The following PPP4R3A variants were observed in gnomAD, a reference collection of about 807,000 sequenced individuals.
The protein encoded by PPP4R3A is protein phosphatase 4 regulatory subunit 3A, also known as serine/threonine-protein phosphatase 4 regulatory subunit 3A.
Under a neutral mutation model 91.7 loss-of-function variants are expected in PPP4R3A, and 15 were observed. The observed-to-expected ratio is 0.16, with a 90% CI of 0.11 to 0.25. The LOEUF is 0.25. PPP4R3A is among the 10% of genes least tolerant of loss of function. The pLI is 1.00. For missense variants in PPP4R3A, 623 were observed against 998.4 expected (o/e 0.62, Z 5.07); for synonymous variants, 377 against 348.7 (o/e 1.08, Z -0.91).
At chr14:91,491,565 G>A (rs956581034) in intron 1 of PPP4R3A, among the ~76,000 whole-genome samples, 7 of 151,766 alleles carry the variant, frequency 4.6e-5, no homozygotes, top group South Asian at 2.1e-4. Flanking sequence ...GTGCCACCAC[G>A]CCCAGATAAT....
At chr14:91,480,896 A>G (rs1214648287) in intron 4 of PPP4R3A, among the ~76,000 whole-genome samples, 2 of 151,912 alleles carry the variant, frequency 1.3e-5, no homozygotes, top group Non-Finnish European at 2.9e-5. Flanking sequence ...AAAGGTGGCT[A>G]TGGTAGCATG....
At chr14:91,507,507 T>C (rs1291393660) in intron 1 of PPP4R3A, among the ~76,000 whole-genome samples, 1 of 140,240 alleles carries the variant, frequency 7.1e-6, no homozygotes, top group Non-Finnish European at 1.5e-5. Context: ...GAATATATGC[T>C]ATAATTATAT....
In PPP4R3A at chr14:91,462,207, C is replaced by T. The variant is rs935361912; in HGVS notation, c.2006G>A (p.Arg669Gln). Residue 669 changes from arginine (R) to glutamine (Q), a missense_variant, in exon 13 of 15, where the codon CGA becomes CAA. Transcript: ENST00000554943. ...ATCTTCTAGTGTTCTGGCATCTCTT[C>T]GATATCTGTGATTCCTCAAAATGGA... ...MRSILRNHRY[R>Q]RDARTLEDEE... The T allele has an allele frequency of 5.6e-6, 9 of 1,594,626 alleles. No individual in the cohort carries two copies. The highest frequency in any genetic ancestry group is 7.7e-6 in the Non-Finnish European group (9 of 1,174,142).
At chr14:91,493,963 C>T (rs12887629) in intron 1 of PPP4R3A, among the ~76,000 whole-genome samples, 137,811 of 149,758 alleles carry the variant, frequency 0.92, 63,642 homozygotes, top group East Asian at 1. Context: ...AGGGTTTCTC[C>T]ATGTTGGTCA....
intron 7 of PPP4R3A, among the ~76,000 whole-genome samples, chr14:91,473,637 GATAAT>G (rs994332381): frequency 6.6e-6 from 1 of 152,180 alleles, no homozygotes; most frequent in East Asian, 1.9e-4. Context: ...TTAGTTTGGT[GATAAT>G]ATATCTTTAC....
intron 4 of PPP4R3A, among the ~76,000 whole-genome samples, 188 bp downstream of exon 4, chr14:91,481,388 C>A (rs186085749): frequency 1.3e-5 from 2 of 152,148 alleles, no homozygotes; most frequent in African/African-American, 4.8e-5. Context: ...GTCACACTTA[C>A]CTCTCCTACC....
intron 7 of PPP4R3A, 147 bp from the exon 8 acceptor site, chr14:91,473,517 G>T: frequency 1.2e-6 from 1 of 827,376 alleles, no homozygotes; most frequent in Non-Finnish European, 1.8e-6. Flanking sequence ...TATCTGACAG[G>T]ACATATGACA....
At chr14:91,505,845 A>T (rs1265763177) in intron 1 of PPP4R3A, among the ~76,000 whole-genome samples, 1 of 152,252 alleles carries the variant, frequency 6.6e-6, no homozygotes, top group Non-Finnish European at 1.5e-5. Flanking sequence ...AATATCAATT[A>T]TCCTATGATG....
chr14:91,491,011 T>C (rs1470431784), intron 1 of PPP4R3A, among the ~76,000 whole-genome samples: 1 of 151,286 alleles, frequency 6.6e-6, no homozygotes, highest in African/African-American at 2.4e-5. Context: ...GCTCAAGAGA[T>C]TCTCCTGCCT....
intron 1 of PPP4R3A, among the ~76,000 whole-genome samples, chr14:91,508,431 A>T (rs1258189384): frequency 6.6e-6 from 1 of 152,220 alleles, no homozygotes; most frequent in East Asian, 1.9e-4. Context: ...ATTCAGATAC[A>T]GAATCGCTAC....
intron 2 of PPP4R3A, 74 bp from the exon 3 acceptor site, chr14:91,485,804 T>C: frequency 1.0e-6 from 1 of 997,692 alleles, no homozygotes; most frequent in Non-Finnish European, 1.5e-6. Flanking sequence ...CAAAAGGAAA[T>C]AAAACTGTGC....
At position 91,482,029 on chromosome 14, in the gene PPP4R3A, A is replaced by G. The variant is rs1889596438; in HGVS notation, c.462T>C (p.Pro154=). The G allele has an allele frequency of 6.2e-7, 1 of 1,613,962 alleles. No homozygotes were observed. The change falls in exon 4 of 15, where the codon CCT becomes CCC. Residue 154 remains proline, a synonymous_variant. Coordinates refer to ENST00000554943, the MANE Select transcript of PPP4R3A (RefSeq NM_001366432.2). The part of the protein sequence containing the change: ...AELVASSLPS[P]LRREKLALAL... ...CCAGTGCAAGTTTTTCACGACGAAG[A>G]GGTGAAGGTAAAGATGATGCCACAA... is the stretch of plus-strand genomic sequence containing the variant.
intron 7 of PPP4R3A, among the ~76,000 whole-genome samples, chr14:91,473,673 T>C (rs1251245585): frequency 6.6e-6 from 1 of 152,256 alleles, no homozygotes; most frequent in Non-Finnish European, 1.5e-5. Context: ...TAATGTAATC[T>C]ACCTTTTGAA....
chr14:91,507,173 T>A (rs572585217), intron 1 of PPP4R3A, among the ~76,000 whole-genome samples: 1 of 151,346 alleles, frequency 6.6e-6, no homozygotes, highest in South Asian at 2.1e-4. Flanking sequence ...ACAAAAAAAT[T>A]AGCCAGGCAT....
At chr14:91,468,703 A>G (rs965225075) in intron 10 of PPP4R3A, among the ~76,000 whole-genome samples, 4 of 146,074 alleles carry the variant, frequency 2.7e-5, no homozygotes, top group African/African-American at 1.0e-4. Context: ...AAAAAGAAAA[A>G]AAAGACCAAG....
chr14:91,505,005 C>T (rs1166774714), intron 1 of PPP4R3A, among the ~76,000 whole-genome samples: 2 of 152,180 alleles, frequency 1.3e-5, no homozygotes, highest in East Asian at 3.8e-4. Context: ...CATGCTAACA[C>T]TATATACATT....
chr14:91,487,469 A>T (rs1232107436), intron 2 of PPP4R3A, among the ~76,000 whole-genome samples: 1 of 152,146 alleles, frequency 6.6e-6, no homozygotes, highest in Non-Finnish European at 1.5e-5. Context: ...TGTTTTTTCA[A>T]GCTGGTACAA....
At chr14:91,496,072 A>G (rs1168092127) in intron 1 of PPP4R3A, among the ~76,000 whole-genome samples, 1 of 152,228 alleles carries the variant, frequency 6.6e-6, no homozygotes, top group Non-Finnish European at 1.5e-5. Context: ...CAGCTGAGAC[A>G]AAGGTATAAA....
At position 91,489,805 on chromosome 14, in the gene PPP4R3A, C is replaced by A. The variant is rs541572308; in HGVS notation, c.198+942G>T. ...GTATTCTATCAGACTATCAAACTATCAAGAAAATATACTGTATGAATGTTT... is the reference window on the plus strand; with the variant it reads ...GTATTCTATCAGACTATCAAACTATAAAGAAAATATACTGTATGAATGTTT... On this transcript the variant is annotated intron_variant, in intron 2 of 14. Transcript: ENST00000554943. Among the ~76,000 whole-genome samples the A allele has an allele frequency of 3.9e-5, 6 of 152,260 alleles. No homozygotes were observed. The South Asian group carries it at 1.2e-3, about 32-fold the overall frequency.
Sources: allele counts gnomAD v4.1 joint callset (sites outside exome capture counted in the v4.1 genomes callset), GRCh38; gene constraint gnomAD v4.1.1; transcripts MANE v1.5; gene names NCBI Gene and HGNC (gene_info 2026-07-23, HGNC 2026-07-21).